The following MCC variants were observed in gnomAD, a reference collection of about 807,000 sequenced individuals.
MCC encodes MCC regulator of Wnt signaling pathway.
Under a neutral mutation model 116.2 loss-of-function variants are expected in MCC, and 90 were observed. The ratio of observed to expected loss-of-function variants is 0.77; its 90% CI spans 0.65 to 0.92. The LOEUF (loss-of-function observed/expected upper bound fraction) is 0.92, where lower values mean the gene tolerates loss of function less well. Ranked by LOEUF, MCC falls within the 40% of genes least tolerant of loss-of-function variation. The probability of loss-of-function intolerance (pLI) is 0.00; values close to 1 mark genes in which losing one functional copy is unlikely to be tolerated. For missense variants in MCC, 1,516 were observed against 1,312.2 expected, an observed-to-expected ratio of 1.16 and a Z score of -2.40; for synonymous variants, 578 against 510.5, an observed-to-expected ratio of 1.13 and a Z score of -1.78.
chr5:113,079,956 G>A (rs1273425596), intron 11 of MCC, among the ~76,000 whole-genome samples: 1 of 152,148 alleles, frequency 6.6e-6, no homozygotes, highest in Non-Finnish European at 1.5e-5. Flanking sequence ...AAATTTACAA[G>A]ACAAAATCAA....
At chr5:113,196,645 C>G (rs779223328) in intron 3 of MCC, among the ~76,000 whole-genome samples, 22 of 152,096 alleles carry the variant, frequency 1.4e-4, no homozygotes, top group Non-Finnish European at 3.1e-4. Flanking sequence ...GTCAGGAGAT[C>G]GAGACCATCC....
At chr5:113,195,685 C>T (rs1762370494) in intron 3 of MCC, among the ~76,000 whole-genome samples, 1 of 152,176 alleles carries the variant, frequency 6.6e-6, no homozygotes. Context: ...TCCTGGCAAA[C>T]AGGTCAGTAA....
intron 3 of MCC, among the ~76,000 whole-genome samples, chr5:113,201,020 A>G (rs147734841): frequency 0.016 from 2,443 of 152,274 alleles, 24 homozygotes; most frequent in Non-Finnish European, 0.023. Context: ...TTAAATTCTT[A>G]TATGGAACCC....
chr5:113,085,138 C>A (rs201658365), intron 9 of MCC, 26 bp downstream of exon 9: 1 of 1,613,786 alleles, frequency 6.2e-7, no homozygotes, highest in East Asian at 2.2e-5. Context: ...TGTTCCCGCT[C>A]ATCGGGTCCA....
chr5:113,134,252 G>A (rs1394349801), intron 5 of MCC, among the ~76,000 whole-genome samples: 2 of 152,112 alleles, frequency 1.3e-5, no homozygotes, highest in South Asian at 2.1e-4. Flanking sequence ...TGTATATGGC[G>A]AGAGATTGGT....
intron 11 of MCC, among the ~76,000 whole-genome samples, chr5:113,075,125 T>C (rs879913480): frequency 4.6e-5 from 7 of 152,188 alleles, no homozygotes; most frequent in Non-Finnish European, 1.0e-4. Context: ...GGCCCCGCAC[T>C]TGGAGCAGCC....
chr5:113,208,419 C>G (rs1452970779), intron 3 of MCC, among the ~76,000 whole-genome samples: 1 of 152,150 alleles, frequency 6.6e-6, no homozygotes, highest in Non-Finnish European at 1.5e-5. Flanking sequence ...CACCCAGAAG[C>G]TGTGTGCAGC....
chr5:113,403,432 C>T (rs1030983513), intron 1 of MCC, among the ~76,000 whole-genome samples: 13 of 152,188 alleles, frequency 8.5e-5, no homozygotes, highest in Admixed American at 7.8e-4. Flanking sequence ...CAACTAACCA[C>T]GATCACATAT....
intron 1 of MCC, among the ~76,000 whole-genome samples, chr5:113,414,321 C>G (rs1308819137): frequency 1.3e-5 from 2 of 152,160 alleles, no homozygotes; most frequent in Admixed American, 1.3e-4. Context: ...CCTGAATATC[C>G]TTGTTAACCT....
At chr5:113,282,871 G>A (rs1274195934) in intron 3 of MCC, among the ~76,000 whole-genome samples, 2 of 152,132 alleles carry the variant, frequency 1.3e-5, no homozygotes, top group African/African-American at 4.8e-5. Context: ...TGACTTCCTG[G>A]CTGCTTTCCA....
chr5:113,399,072 A>T (rs1490005630), intron 1 of MCC, among the ~76,000 whole-genome samples: 1 of 152,246 alleles, frequency 6.6e-6, no homozygotes, highest in Admixed American at 6.5e-5. Flanking sequence ...TGGACAGCAC[A>T]AGTATAGAAT....
intron 17 of MCC, among the ~76,000 whole-genome samples, chr5:113,042,006 A>G (rs912033161): frequency 6.6e-6 from 1 of 152,042 alleles, no homozygotes; most frequent in African/African-American, 2.4e-5. Context: ...CAAAAAACAA[A>G]AACAAAACCT....
chr5:113,456,089 A>C (rs1015026655), intron 1 of MCC, among the ~76,000 whole-genome samples: 1 of 152,242 alleles, frequency 6.6e-6, no homozygotes, highest in African/African-American at 2.4e-5. Context: ...CAATTAAAAT[A>C]ATAAAATAAA....
intron 1 of MCC, among the ~76,000 whole-genome samples, chr5:113,438,860 G>A (rs1460668300): frequency 6.6e-6 from 1 of 152,134 alleles, no homozygotes; most frequent in Non-Finnish European, 1.5e-5. Flanking sequence ...TGAAACTTAA[G>A]TAGATTTTTT....
chr5:113,235,148 A>C (rs565865952), intron 3 of MCC, among the ~76,000 whole-genome samples: 1 of 152,356 alleles, frequency 6.6e-6, no homozygotes, highest in South Asian at 2.1e-4. Flanking sequence ...ATAAAACTTT[A>C]AACTGCTCCA....
intron 3 of MCC, among the ~76,000 whole-genome samples, chr5:113,301,176 T>C (rs915146741): frequency 9.2e-5 from 14 of 152,114 alleles, no homozygotes; most frequent in African/African-American, 2.9e-4. Flanking sequence ...TTTAAAGAGA[T>C]AGTTACAGGC....
At chr5:113,202,066 T>C (rs1762705867) in intron 3 of MCC, among the ~76,000 whole-genome samples, 1 of 152,152 alleles carries the variant, frequency 6.6e-6, no homozygotes, top group African/African-American at 2.4e-5. Context: ...CAGGCTTTCC[T>C]CCTTCCCTGA....
chr5:113,132,802 C>CAA (rs1290343439), intron 5 of MCC, among the ~76,000 whole-genome samples: 1 of 152,142 alleles, frequency 6.6e-6, no homozygotes, highest in Non-Finnish European at 1.5e-5. Flanking sequence ...ACATAGTACT[C>CAA]AGTGTCCCAA....
intron 1 of MCC, among the ~76,000 whole-genome samples, chr5:113,468,581 T>A (rs1047114541): frequency 2.3e-4 from 35 of 152,284 alleles, no homozygotes; most frequent in Middle Eastern, 3.4e-3. Flanking sequence ...GGATTCGGTT[T>A]GCCAGTATTT....
Sources: gnomAD v4.1 joint callset for allele counts (sites outside exome capture counted in the v4.1 genomes callset) on GRCh38, gnomAD v4.1.1 for gene constraint, MANE v1.5 for transcripts, NCBI Gene and HGNC (gene_info 2026-07-23, HGNC 2026-07-21) for gene names.